SYCP1: variants seen among roughly 807,000 people sequenced by gnomAD.
The protein encoded by SYCP1 is cancer/testis antigen 8.
Under a neutral mutation model 153.1 loss-of-function variants are expected in SYCP1, and 64 were observed. The ratio of observed to expected loss-of-function variants is 0.42; its 90% CI spans 0.34 to 0.51. The LOEUF is 0.51. SYCP1 is among the 20% of genes least tolerant of loss of function. The pLI, the probability that SYCP1 is intolerant of heterozygous loss-of-function variation, is 0.06. For synonymous variants in SYCP1, 384 were observed against 341.8 expected (o/e 1.12, Z -1.36); for missense variants, 997 against 1,049.0 (o/e 0.95, Z 0.68).
At chr1:114,871,312 T>C (rs1665105506) in intron 8 of SYCP1, among the ~76,000 whole-genome samples, 1 of 151,312 alleles carries the variant, frequency 6.6e-6, no homozygotes, top group Non-Finnish European at 1.5e-5. Context: ...AGATTACAGG[T>C]GCCCACCACC....
chr1:114,898,877 TCTGAGTTGGGTAATC>T (rs1238452374), intron 16 of SYCP1, among the ~76,000 whole-genome samples: 1 of 152,188 alleles, frequency 6.6e-6, no homozygotes, highest in Non-Finnish European at 1.5e-5. Context: ...CTCAAATACC[TCTGAGTTGGGTAATC>T]CTCTCCTTCT....
chr1:114,971,185 G>T (rs1217188306), intron 27 of SYCP1, among the ~76,000 whole-genome samples: 1 of 152,112 alleles, frequency 6.6e-6, no homozygotes. Context: ...TATGTCTTTT[G>T]TCTTCAGTTA....
At chr1:114,898,036 A>G (rs976205289) in intron 16 of SYCP1, among the ~76,000 whole-genome samples, 7 of 152,196 alleles carry the variant, frequency 4.6e-5, no homozygotes, top group Admixed American at 3.3e-4. Context: ...GACTTTATCC[A>G]TGAAATGGGA....
At chr1:114,855,626 G>T (rs1346716203) in intron 2 of SYCP1, 54 bp downstream of exon 2, 1 of 1,370,126 alleles carries the variant, frequency 7.3e-7, no homozygotes, top group Admixed American at 2.0e-5. Flanking sequence ...GGGAAATGAA[G>T]AAAAGTGTAC....
chr1:114,944,357 G>A lies in SYCP1; in HGVS notation c.1945G>A (p.Glu649Lys). ...CTTAAAGGTCAATAAATTAGAGTTA[G>A]AACTAGAAAGTGCCAAACAGAAATT... ...YEIKVNKLEL[E>K]LESAKQKFGE... Residue 649 changes from glutamate to lysine, a missense_variant, in exon 24 of 32, where the codon GAA (glutamate) becomes AAA (lysine). Glu to Lys is a moderately conservative substitution (Grantham distance 56). Transcript: ENST00000369522. The A allele has an allele frequency of 6.2e-7, 1 of 1,601,946 alleles. No individual in the cohort carries two copies. The highest frequency in any genetic ancestry group is 1.3e-5 in the African/African-American group (1 of 74,464).
chr1:114,861,399 A>G (rs1664365964), intron 8 of SYCP1, among the ~76,000 whole-genome samples: 1 of 152,044 alleles, frequency 6.6e-6, no homozygotes, highest in African/African-American at 2.4e-5. Flanking sequence ...ATAATTCTTT[A>G]TTTTTGCCAT....
At chr1:114,920,070 A>T (rs1474206862) in intron 20 of SYCP1, among the ~76,000 whole-genome samples, 1 of 151,646 alleles carries the variant, frequency 6.6e-6, no homozygotes, top group African/African-American at 2.4e-5. Flanking sequence ...GTTTTTTAAG[A>T]TGCATCATTA....
At chr1:114,986,343 T>A (rs373933277) in intron 30 of SYCP1, among the ~76,000 whole-genome samples, 1 of 152,008 alleles carries the variant, frequency 6.6e-6, no homozygotes, top group Non-Finnish European at 1.5e-5. Context: ...AAAAATGTAA[T>A]GAGAATTAGA....
At chr1:114,939,584 A>G (rs887652186) in intron 23 of SYCP1, among the ~76,000 whole-genome samples, 4 of 152,198 alleles carry the variant, frequency 2.6e-5, no homozygotes, top group Non-Finnish European at 5.9e-5. Context: ...TTTTGAATCA[A>G]CAAAACCAAT....
intron 20 of SYCP1, among the ~76,000 whole-genome samples, chr1:114,918,196 T>G (rs1482640234): frequency 6.6e-6 from 1 of 152,110 alleles, no homozygotes; most frequent in East Asian, 1.9e-4. Context: ...TTCATTCTTC[T>G]GCATATGGAT....
intron 8 of SYCP1, among the ~76,000 whole-genome samples, chr1:114,874,287 G>A (rs912184803): frequency 1.3e-5 from 2 of 152,116 alleles, no homozygotes; most frequent in Non-Finnish European, 2.9e-5. Context: ...TTTACCTGTC[G>A]TTAGGATGGA....
chr1:114,914,107 A>G, intron 20 of SYCP1, 62 bp downstream of exon 20: 1 of 1,291,794 alleles, frequency 7.7e-7, no homozygotes, highest in Non-Finnish European at 1.1e-6. Flanking sequence ...CTTTTCTATT[A>G]ACTTGTTATC....
chr1:114,888,860 C>G (rs188067431), intron 15 of SYCP1, among the ~76,000 whole-genome samples: 2 of 151,908 alleles, frequency 1.3e-5, no homozygotes, highest in Non-Finnish European at 2.9e-5. Context: ...CCCCAGCCCC[C>G]CACCCCGCAA....
chr1:114,906,753 AGATAT>A (rs762388402), intron 16 of SYCP1, among the ~76,000 whole-genome samples: 2 of 152,190 alleles, frequency 1.3e-5, no homozygotes, highest in African/African-American at 2.4e-5. Context: ...TTTATGTATC[AGATAT>A]GATATATCTT....
intron 8 of SYCP1, among the ~76,000 whole-genome samples, chr1:114,862,592 G>T (rs1664454726): frequency 6.6e-6 from 1 of 151,990 alleles, no homozygotes; most frequent in Non-Finnish European, 1.5e-5. Context: ...ACCTGCCTCG[G>T]CCTCCCAAAG....
At chr1:114,968,144 C>T (rs1672254644) in intron 27 of SYCP1, among the ~76,000 whole-genome samples, 1 of 152,120 alleles carries the variant, frequency 6.6e-6, no homozygotes, top group Non-Finnish European at 1.5e-5. Flanking sequence ...GTGAATCTGA[C>T]AATTATGTGT....
At chr1:114,884,416 A>G (rs1271981912) in intron 12 of SYCP1, among the ~76,000 whole-genome samples, 5 of 152,138 alleles carry the variant, frequency 3.3e-5, no homozygotes, top group African/African-American at 7.2e-5. Context: ...CTCAGCTGCT[A>G]CTTTCTTGAA....
intron 8 of SYCP1, among the ~76,000 whole-genome samples, chr1:114,864,477 T>C (rs1287726365): frequency 6.6e-6 from 1 of 152,000 alleles, no homozygotes; most frequent in East Asian, 1.9e-4. Context: ...GATACTTTTT[T>C]CTTTCTTTCT....
chr1:114,975,330 G>A (rs1672739677), intron 27 of SYCP1, among the ~76,000 whole-genome samples: 1 of 121,574 alleles, frequency 8.2e-6, no homozygotes, highest in Non-Finnish European at 1.9e-5. Flanking sequence ...ATTCTCTAAA[G>A]TAAGTGTGTG....
Sources: gnomAD v4.1 joint callset for allele counts (sites outside exome capture counted in the v4.1 genomes callset) on GRCh38, gnomAD v4.1.1 for gene constraint, MANE v1.5 for transcripts, NCBI Gene and HGNC (gene_info 2026-07-23, HGNC 2026-07-21) for gene names.